The following KPNA6 variants were observed in gnomAD, a reference collection of about 807,000 sequenced individuals.
KPNA6 encodes the protein karyopherin subunit alpha 6, also known as importin subunit alpha-7.
Under a neutral mutation model 72.0 loss-of-function variants are expected in KPNA6, and 9 were observed. That is an observed-to-expected ratio of 0.13 (90% CI 0.08 to 0.22). The LOEUF is 0.22. Among genes scored for constraint, KPNA6 ranks in the 10% least tolerant of loss-of-function variants. The probability of loss-of-function intolerance (pLI) is 1.00; values close to 1 mark genes in which losing one functional copy is unlikely to be tolerated. For missense variants in KPNA6, 374 were observed against 655.7 expected (o/e 0.57, Z 4.69); for synonymous variants, 219 against 242.1 (o/e 0.90, Z 0.89).
chr1:32,145,104 C>T (rs1641907339), intron 1 of KPNA6, among the ~76,000 whole-genome samples: 1 of 151,930 alleles, frequency 6.6e-6, no homozygotes, highest in East Asian at 1.9e-4. Flanking sequence ...AGGGGCCCGC[C>T]ACCACACCCA....
intron 9 of KPNA6, 40 bp downstream of exon 9, chr1:32,162,564 C>G (rs758295546): frequency 6.2e-7 from 1 of 1,608,380 alleles, no homozygotes; most frequent in Admixed American, 1.7e-5. Context: ...TGGCTGGGCA[C>G]GGTGGCTTAT....
intron 1 of KPNA6, among the ~76,000 whole-genome samples, chr1:32,118,001 G>A (rs536665534): frequency 5.9e-5 from 9 of 151,464 alleles, no homozygotes; most frequent in African/African-American, 1.5e-4. Context: ...TCCGCTCACC[G>A]CAACCTCTGC....
In KPNA6 at chr1:32,170,941, C is replaced by T. The variant is rs369308305; in HGVS notation, c.*47C>T. ...GGGGATGGGAAGCACCACCAGCCAGCGGAAGAGCAGCCCTCTGGTGGGCGG... is the reference window on the plus strand; with the variant it reads ...GGGGATGGGAAGCACCACCAGCCAGTGGAAGAGCAGCCCTCTGGTGGGCGG... On this transcript the variant is annotated 3_prime_UTR_variant, in exon 14 of 14. Transcript: ENST00000373625. The T allele has an allele frequency of 7.0e-5, 109 of 1,559,408 alleles. No homozygotes were observed. The African/African-American group carries it at 1.3e-3, about 19-fold the overall frequency.
intron 1 of KPNA6, among the ~76,000 whole-genome samples, chr1:32,131,250 C>T (rs1388813163): frequency 2.0e-5 from 3 of 152,156 alleles, no homozygotes; most frequent in East Asian, 3.9e-4. Context: ...GCCGAGATTG[C>T]GCCATTGCAC....
chr1:32,120,256 T>A (rs1293951437), intron 1 of KPNA6, among the ~76,000 whole-genome samples: 1 of 151,548 alleles, frequency 6.6e-6, no homozygotes, highest in Non-Finnish European at 1.5e-5. Context: ...AATTTTTTTT[T>A]TTTTTTGAGA....
chr1:32,138,223 T>C (rs1280246097), intron 1 of KPNA6, among the ~76,000 whole-genome samples: 1 of 150,252 alleles, frequency 6.7e-6, no homozygotes, highest in Non-Finnish European at 1.5e-5. Context: ...GTTTTGACAA[T>C]AGGGATTTCA....
At chr1:32,116,016 T>G (rs1641322109) in intron 1 of KPNA6, among the ~76,000 whole-genome samples, 1 of 152,028 alleles carries the variant, frequency 6.6e-6, no homozygotes, top group Admixed American at 6.6e-5. Flanking sequence ...AGTCTTGGGA[T>G]TACAGGCATA....
chr1:32,158,463 A>G (rs973229781), intron 5 of KPNA6, 102 bp downstream of exon 5: 3 of 666,390 alleles, frequency 4.5e-6, no homozygotes, highest in East Asian at 5.3e-5. Context: ...TGACACAGGC[A>G]TGCAATTTGA....
At chr1:32,139,747 G>T (rs1044832462) in intron 1 of KPNA6, among the ~76,000 whole-genome samples, 4 of 152,172 alleles carry the variant, frequency 2.6e-5, no homozygotes, top group African/African-American at 7.2e-5. Flanking sequence ...TGGCTTTGTT[G>T]TTTGCAGATA....
intron 1 of KPNA6, among the ~76,000 whole-genome samples, chr1:32,154,068 GC>G (rs1405336910): frequency 6.6e-6 from 1 of 151,762 alleles, no homozygotes; most frequent in Non-Finnish European, 1.5e-5. Context: ...AATCACGTGA[GC>G]CCAGGAGGCA....
chr1:32,143,512 G>A (rs1311824774), intron 1 of KPNA6, among the ~76,000 whole-genome samples: 1 of 150,178 alleles, frequency 6.7e-6, no homozygotes, highest in African/African-American at 2.5e-5. Context: ...GGTGGAGGTT[G>A]CAGTGAGCCA....
intron 11 of KPNA6, 140 bp downstream of exon 11, chr1:32,166,370 T>C: frequency 1.0e-6 from 1 of 988,450 alleles, no homozygotes; most frequent in Non-Finnish European, 1.5e-6. Context: ...CTCACGCCTG[T>C]AGTCCCAGCA....
In KPNA6 at chr1:32,154,574, A is replaced by G; in HGVS notation, c.5-14A>G. ...CTCTCAAGAGTTTTTGGCAGTGTGT[A>G]TCTTTTCTTCTAGAGACCATGGCGA... On this transcript the variant is annotated splice_polypyrimidine_tract_variant and intron_variant, in intron 1 of 13. Transcript: ENST00000373625. 2 of 1,611,702 alleles carry G rather than the reference A, an allele frequency of 1.2e-6. No homozygotes were observed. The highest frequency in any genetic ancestry group is 1.3e-5 in the African/African-American group (1 of 74,848).
chr1:32,125,749 G>A (rs572567279), intron 1 of KPNA6, among the ~76,000 whole-genome samples: 1 of 152,102 alleles, frequency 6.6e-6, no homozygotes, highest in Non-Finnish European at 1.5e-5. Context: ...CATGCCAGAT[G>A]TTCCAGAATC....
In KPNA6 at chr1:32,166,220, C is replaced by T; in HGVS notation, c.1106C>T (p.Ala369Val). Residue 369 changes from alanine (A) to valine (V), a missense_variant, in exon 11 of 14, where the codon GCT becomes GTT. Physicochemically the swap from Ala to Val is moderately conservative, Grantham distance 64. Transcript: ENST00000373625. ...TCAAATATTACTGCTGGCAACAGGGCTCAAATACAGGTAAAACAGGCAGGG... is the reference window on the plus strand; with the variant it reads ...TCAAATATTACTGCTGGCAACAGGGTTCAAATACAGGTAAAACAGGCAGGG... ...TISNITAGNRAQIQAVIDANI... is the reference protein window; with the variant it reads ...TISNITAGNRVQIQAVIDANI... 2 of 1,613,012 alleles carry T rather than the reference C, an allele frequency of 1.2e-6. No individual in the cohort carries two copies. Among genetic ancestry groups the T allele is most frequent in the Non-Finnish European group, 8.5e-7 (1 of 1,179,670 alleles).
chr1:32,166,782 A>G (rs1237550043), intron 11 of KPNA6, among the ~76,000 whole-genome samples: 3 of 144,506 alleles, frequency 2.1e-5, no homozygotes, highest in Non-Finnish European at 4.6e-5. Context: ...ACAAAAAAAA[A>G]GAAAAATTAG....
Position 32,172,802 on chromosome 1 carries a change from T to A in KPNA6, c.*1908T>A. On this transcript the variant is annotated 3_prime_UTR_variant, in exon 14 of 14. Coordinates refer to ENST00000373625, the MANE Select transcript of KPNA6 (RefSeq NM_012316.5). ...GTCAGAGGCATCCTGCTCCAAGCTCTGCTTTTCCTTCCTCTGAAACAATGC... is the reference window on the plus strand; with the variant it reads ...GTCAGAGGCATCCTGCTCCAAGCTCAGCTTTTCCTTCCTCTGAAACAATGC... 1 of 268,170 alleles carries A rather than the reference T, an allele frequency of 3.7e-6. No individual in the cohort carries two copies. Among genetic ancestry groups the A allele is most frequent in the Non-Finnish European group, 7.0e-6 (1 of 143,684 alleles). 16.6% of individuals were successfully genotyped at this position (268,170 alleles called of 1,614,324 possible).
In KPNA6 at chr1:32,166,240, G is replaced by T. The variant is rs1307902111; in HGVS notation, c.1116+10G>T. 3.1e-6 allele frequency: 5 copies of T among 1,609,586 alleles called. No individual in the cohort carries two copies. The highest frequency in any genetic ancestry group is 4.2e-6 in the Non-Finnish European group (5 of 1,178,648). Reference sequence around the variant, plus strand: ...CAGGGCTCAAATACAGGTAAAACAGGCAGGGAAGTCAAGGGGCATGGGAAG... The same window carrying T: ...CAGGGCTCAAATACAGGTAAAACAGTCAGGGAAGTCAAGGGGCATGGGAAG... On this transcript the variant is annotated intron_variant, in intron 11 of 13. Coordinates refer to ENST00000373625, the MANE Select transcript of KPNA6 (RefSeq NM_012316.5).
intron 1 of KPNA6, among the ~76,000 whole-genome samples, chr1:32,120,298 G>A (rs1034482633): frequency 6.7e-6 from 1 of 149,294 alleles, no homozygotes; most frequent in Non-Finnish European, 1.5e-5. Flanking sequence ...AGGCTGGAGT[G>A]CAGTGGTGTG....
Sources: allele counts gnomAD v4.1 joint callset (sites outside exome capture counted in the v4.1 genomes callset), GRCh38; gene constraint gnomAD v4.1.1; transcripts MANE v1.5; gene names NCBI Gene and HGNC (gene_info 2026-07-23, HGNC 2026-07-21).